The following IL16 variants were observed in gnomAD, a reference collection of about 807,000 sequenced individuals.
IL16 encodes the protein pro-interleukin-16.
A neutral mutation model predicts 110.1 loss-of-function variants in IL16; 67 were observed. The ratio of observed to expected loss-of-function variants is 0.61; its 90% confidence interval spans 0.50 to 0.75. IL16 has a LOEUF of 0.75. IL16 is among the 30% of genes least tolerant of loss of function. The pLI, the probability that IL16 is intolerant of heterozygous loss-of-function variation, is 0.00. For synonymous variants in IL16, 689 were observed against 662.9 expected (o/e 1.04, Z -0.61); for missense variants, 1,545 against 1,655.0 (o/e 0.93, Z 1.15).
At chr15:81,269,512 C>T (rs1189312889) in intron 4 of IL16, 26 bp from the exon 5 acceptor site, 4 of 1,527,900 alleles carry the variant, frequency 2.6e-6, no homozygotes, top group Non-Finnish European at 3.6e-6. Context: ...GGCTAATCTT[C>T]TGCCTACTCT....
intron 2 of IL16, among the ~76,000 whole-genome samples, chr15:81,229,155 T>C (rs1406611043): frequency 6.6e-6 from 1 of 152,192 alleles, no homozygotes; most frequent in Non-Finnish European, 1.5e-5. Flanking sequence ...AGAGTTATAG[T>C]TGACAATGCT....
intron 1 of IL16, among the ~76,000 whole-genome samples, chr15:81,200,443 C>T (rs1895767304): frequency 2.0e-5 from 3 of 152,138 alleles, no homozygotes. Flanking sequence ...AATCCCGGCT[C>T]ACTGCAGCCT....
At chr15:81,285,613 A>G in intron 9 of IL16, 85 bp from the exon 10 acceptor site, 1 of 1,432,990 alleles carries the variant, frequency 7.0e-7, no homozygotes. Flanking sequence ...CAAACAGCCC[A>G]GCCAGGAGTG....
intron 1 of IL16, among the ~76,000 whole-genome samples, chr15:81,197,762 G>C (rs1380758142): frequency 6.6e-6 from 1 of 151,910 alleles, no homozygotes; most frequent in Admixed American, 6.5e-5. Context: ...TAGCAAGTTT[G>C]CTTTCTGTAG....
intron 1 of IL16, among the ~76,000 whole-genome samples, chr15:81,210,239 A>G (rs1047238530): frequency 6.6e-6 from 1 of 152,122 alleles, no homozygotes; most frequent in Non-Finnish European, 1.5e-5. Context: ...CATTTTCTAT[A>G]CCAGTGCCAT....
rs573039885 is a variant in IL16, at chr15:81,260,488, G to A, written c.421+608G>A. On this transcript the variant is annotated intron_variant, in intron 3 of 18. Coordinates refer to ENST00000683961, the MANE Select transcript of IL16 (RefSeq NM_172217.5). Reference sequence around the variant, plus strand: ...GTGGATCCATGGTATTTTATTATATGAATTTATGAAATCTAGTTAACCAAC... The same window carrying A: ...GTGGATCCATGGTATTTTATTATATAAATTTATGAAATCTAGTTAACCAAC... Among the ~76,000 whole-genome samples, 3 of 152,234 alleles carry A rather than the reference G, an allele frequency of 2.0e-5. No individual in the cohort carries two copies. In the East Asian group the frequency reaches 5.8e-4, roughly 29 times the overall value.
chr15:81,251,545 G>A (rs1246135391), intron 2 of IL16, among the ~76,000 whole-genome samples: 2 of 152,108 alleles, frequency 1.3e-5, no homozygotes, highest in African/African-American at 4.8e-5. Flanking sequence ...TACAAACAAT[G>A]TGATGATGAA....
intron 11 of IL16, among the ~76,000 whole-genome samples, chr15:81,290,867 A>G (rs1899683757): frequency 6.6e-6 from 1 of 152,228 alleles, no homozygotes; most frequent in African/African-American, 2.4e-5. Flanking sequence ...CAGGCACTTG[A>G]GTTTGCAGCC....
At chr15:81,298,558 T>C (rs759035015) in intron 13 of IL16, among the ~76,000 whole-genome samples, 1 of 152,232 alleles carries the variant, frequency 6.6e-6, no homozygotes, top group African/African-American at 2.4e-5. Context: ...CCAGGCTGCA[T>C]CCCAGGTATC....
At chr15:81,227,323 A>C (rs1032906203) in intron 2 of IL16, among the ~76,000 whole-genome samples, 4 of 152,182 alleles carry the variant, frequency 2.6e-5, no homozygotes, top group Non-Finnish European at 5.9e-5. Flanking sequence ...GGATAAGGGG[A>C]TAGAGAGTGA....
intron 12 of IL16, among the ~76,000 whole-genome samples, chr15:81,294,510 G>T (rs1483118628): frequency 6.6e-6 from 1 of 152,214 alleles, no homozygotes; most frequent in Non-Finnish European, 1.5e-5. Context: ...GTCTGGAGAA[G>T]GAACTGGGGT....
chr15:81,219,051 A>G (rs968480970), intron 1 of IL16, among the ~76,000 whole-genome samples: 3 of 152,200 alleles, frequency 2.0e-5, no homozygotes, highest in African/African-American at 7.2e-5. Context: ...AAGGTGTTAA[A>G]TACTTTGCTT....
rs1200613952 is a variant in IL16 at position 81,265,763 on chromosome 15, C to A, written c.526C>A (p.Leu176Ile). The change falls in exon 4 of 19, where the codon CTC becomes ATC. Residue 176 changes from leucine to isoleucine, a missense_variant. By Grantham distance (5) the Leu-to-Ile change is conservative. Coordinates refer to ENST00000683961, the MANE Select transcript of IL16 (RefSeq NM_172217.5). ...CTCTCTCTGCAGTAACAGGAAGTCC[C>A]TCTCTCAACAATTGGACTGTCCAGC... The part of the protein sequence containing the change: ...PYSLCSNRKS[L>I]SQQLDCPAGK... The A allele has an allele frequency of 1.2e-6, 2 of 1,613,544 alleles. No homozygotes were observed. The highest frequency in any genetic ancestry group is 1.7e-6 in the Non-Finnish European group (2 of 1,179,782).
At chr15:81,208,623 C>A (rs1896122871) in intron 1 of IL16, among the ~76,000 whole-genome samples, 1 of 152,242 alleles carries the variant, frequency 6.6e-6, no homozygotes, top group Admixed American at 6.5e-5. Flanking sequence ...AGCCATCACA[C>A]CTGGTCCATA....
intron 15 of IL16, chr15:81,302,383 A>G (rs1262569214): frequency 2.0e-5 from 3 of 152,374 alleles, no homozygotes; most frequent in South Asian, 4.1e-4. Flanking sequence ...TGTAAAACAC[A>G]AAGAGCCATC....
chr15:81,225,680 G>C lies in IL16; in HGVS notation c.281G>C (p.Gly94Ala). 6.2e-7 allele frequency: 1 copy of C among 1,613,412 alleles called. No homozygotes were observed. The highest frequency in any genetic ancestry group is 8.5e-7 in the Non-Finnish European group (1 of 1,179,528). Residue 94 changes from glycine (G) to alanine (A), a missense_variant, in exon 2 of 19, where the codon GGC becomes GCC. Physicochemically the swap from Gly to Ala is moderately conservative, Grantham distance 60. Around this residue, in one of 3 missense-constraint regions of IL16, gnomAD observed 1,185 missense variants for 1,238.8 expected, o/e 0.96. Transcript: ENST00000683961. ...CTCCAAGCAGCTGGGAATGATCGAGGCAAGACCTGTAGGAGGATATTCTTC... is the reference window on the plus strand; with the variant it reads ...CTCCAAGCAGCTGGGAATGATCGAGCCAAGACCTGTAGGAGGATATTCTTC... ...AQLQAAGNDRGKTCRRIFFMK... is the reference protein window; with the variant it reads ...AQLQAAGNDRAKTCRRIFFMK...
In IL16 at chr15:81,207,845, T is replaced by A. The variant is rs1420694520; in HGVS notation, c.-102+10693T>A. Among the ~76,000 whole-genome samples the A allele has an allele frequency of 8.1e-5, 5 of 61,914 alleles. No individual in the cohort carries two copies. In the African/African-American group the frequency reaches 1.3e-3, roughly 16 times the overall value. 40.6% of individuals were successfully genotyped at this position (61,914 alleles called of 152,430 possible). ...AATGAGCATACAAGTGCATGTGGGT[T>A]TTTTTTTTTTTTGGTATAATGATCG... On this transcript the variant is annotated intron_variant, in intron 1 of 18. Coordinates refer to ENST00000683961, the MANE Select transcript of IL16 (RefSeq NM_172217.5).
At position 81,303,580 on chromosome 15, in the gene IL16, A is replaced by G; in HGVS notation, c.3350A>G (p.His1117Arg). 6.2e-7 allele frequency: 1 copy of G among 1,613,914 alleles called. No homozygotes were observed. The highest frequency in any genetic ancestry group is 8.5e-7 in the Non-Finnish European group (1 of 1,179,754). ...QLDGIHVTIL[H>R]KEEGAGLGFS... The stretch of plus-strand genomic sequence containing the variant: ...GACGGCATCCATGTCACCATCTTAC[A>G]CAAGGAGGAAGGTGCTGGTCTTGGG... Residue 1117 changes from histidine to arginine, a missense_variant, in exon 16 of 19, where the codon CAC (histidine) becomes CGC (arginine). This residue lies in a region of IL16 where 356 missense variants were observed against 399.3 expected (regional missense o/e 0.89). Coordinates refer to ENST00000683961, the MANE Select transcript of IL16 (RefSeq NM_172217.5). The surrounding 1 kb of genome is among the most constrained non-coding windows in gnomAD (Gnocchi z 4.1).
chr15:81,269,202 A>G (rs1282580612), intron 4 of IL16, among the ~76,000 whole-genome samples: 1 of 152,236 alleles, frequency 6.6e-6, no homozygotes, highest in Non-Finnish European at 1.5e-5. Context: ...CTGGCTTCCC[A>G]AATTCTGCCT....
Sources: gnomAD v4.1 joint callset for allele counts (sites outside exome capture counted in the v4.1 genomes callset) on GRCh38, gnomAD v4.1.1 for gene constraint, gnomAD v4.1.1 regional missense constraint, Gnocchi (gnomAD v3.1) non-coding constraint, MANE v1.5 for transcripts, NCBI Gene and HGNC (gene_info 2026-07-23, HGNC 2026-07-21) for gene names.